The following MKI67 variants were observed in gnomAD, a reference collection of about 807,000 sequenced individuals.
The protein encoded by MKI67 is proliferation marker protein Ki-67.
In MKI67, 152 loss-of-function variants were observed where a neutral mutation model predicts 233.5. The ratio of observed to expected loss-of-function variants is 0.65; its 90% CI spans 0.57 to 0.74. The LOEUF (loss-of-function observed/expected upper bound fraction) is 0.74, where lower values mean the gene tolerates loss of function less well. Among genes scored for constraint, MKI67 ranks in the 30% least tolerant of loss-of-function variants. MKI67 has a pLI of 0.00. For missense variants in MKI67, 3,940 were observed against 3,885.2 expected (o/e 1.01, Z -0.37); for synonymous variants, 1,465 against 1,418.5 (o/e 1.03, Z -0.74).
Position 128,105,198 on chromosome 10 carries a change from C to T in MKI67, c.6642G>A (p.Glu2214=). 6.2e-7 allele frequency: 1 copy of T among 1,612,874 alleles called. No homozygotes were observed. Among genetic ancestry groups the T allele is most frequent in the Non-Finnish European group, 8.5e-7 (1 of 1,179,704 alleles). The change falls in exon 13 of 15, where the codon GAG becomes GAA. Residue 2214 remains glutamate, a synonymous_variant. Coordinates refer to ENST00000368654, the MANE Select transcript of MKI67 (RefSeq NM_002417.5). Reference sequence around the variant, plus strand: ...ATCTGCAGGCTATTTTGGTAGTTTTCTCATGAGTCGTGGGCTTGTCAGTGC... The same window carrying T: ...ATCTGCAGGCTATTTTGGTAGTTTTTTCATGAGTCGTGGGCTTGTCAGTGC... ...PICTDKPTTH[E]KTTKIACRSP...
In MKI67 at chr10:128,109,085, C is replaced by G. The variant is rs1852606757; in HGVS notation, c.2755G>C (p.Glu919Gln). 1 of 1,614,206 alleles carries G rather than the reference C, an allele frequency of 6.2e-7. No homozygotes were observed. ...CTTTCTATTTCCTTCATCTCTCCTT[C>G]TCTCCTTTGTTGTAGTAGTGTTGCC... Reference protein sequence around the residue: ...QKATLLQQRREGEMKEIERPF... With the variant: ...QKATLLQQRRQGEMKEIERPF... Residue 919 changes from glutamate (E) to glutamine (Q), a missense_variant, in exon 13 of 15, where the codon GAA becomes CAA. Physicochemically the swap from Glu to Gln is conservative, Grantham distance 29 (BLOSUM62 2). Coordinates refer to ENST00000368654, the MANE Select transcript of MKI67 (RefSeq NM_002417.5).
At chr10:128,099,762 C>T (rs1852294800) in intron 14 of MKI67, among the ~76,000 whole-genome samples, 1 of 152,176 alleles carries the variant, frequency 6.6e-6, no homozygotes, top group African/African-American at 2.4e-5. Context: ...AAGCTTCTTA[C>T]TGGAAAAAAT....
Position 128,113,419 on chromosome 10 carries a change from C to G in MKI67, c.1656+8G>C. On this transcript the variant is annotated splice_region_variant and intron_variant, in intron 8 of 14. Coordinates refer to ENST00000368654, the MANE Select transcript of MKI67 (RefSeq NM_002417.5). ...GGGCGTGAATGGGATGCTGCTTGTTCAACTCACCTTGATGATTTTCTTCAG... is the reference window on the plus strand; with the variant it reads ...GGGCGTGAATGGGATGCTGCTTGTTGAACTCACCTTGATGATTTTCTTCAG... 1 of 1,614,000 alleles carries G rather than the reference C, an allele frequency of 6.2e-7. No individual in the cohort carries two copies. The highest frequency in any genetic ancestry group is 8.5e-7 in the Non-Finnish European group (1 of 1,179,890).
In MKI67 at chr10:128,107,141, T is replaced by C; in HGVS notation, c.4699A>G (p.Asn1567Asp). ...AGCCGTCTCTTGCTGCCAGTTAAGT[T>C]CTCTGTCAGGTCCAGTTTCTGCACT... is the stretch of plus-strand genomic sequence containing the variant. The part of the protein sequence containing the change: ...TPVQKLDLTE[N>D]LTGSKRRLQT... The change falls in exon 13 of 15, where the codon AAC becomes GAC. Residue 1567 changes from asparagine (N) to aspartate (D), a missense_variant. Transcript: ENST00000368654. The C allele has an allele frequency of 6.2e-7, 1 of 1,613,684 alleles. No homozygotes were observed. Among genetic ancestry groups the C allele is most frequent in the Non-Finnish European group, 8.5e-7 (1 of 1,179,936 alleles).
chr10:128,114,904 A>T (rs749840111), intron 7 of MKI67, 24 bp downstream of exon 7: 7 of 1,521,024 alleles, frequency 4.6e-6, no homozygotes, highest in Non-Finnish European at 6.2e-6. Context: ...TTAGAAAAAT[A>T]AATTTACAAT....
intron 14 of MKI67, among the ~76,000 whole-genome samples, chr10:128,100,027 C>T (rs1444312261): frequency 2.6e-5 from 4 of 152,202 alleles, no homozygotes; most frequent in African/African-American, 4.8e-5. Flanking sequence ...ACTGTGAATT[C>T]GGTAAGCGCC....
rs140954191 is a variant in MKI67 at position 128,105,849 on chromosome 10, T to C, written c.5991A>G (p.Gln1997=). 1.5e-5 allele frequency: 24 copies of C among 1,614,080 alleles called. No homozygotes were observed. Among genetic ancestry groups the C allele is most frequent in the Non-Finnish European group, 1.9e-5 (22 of 1,180,038 alleles). Reference sequence around the variant, plus strand: ...CTTTCCCCAAGGATATCTTGAGTCGTTGCTTGGAGCTTGTTGGGGTTTTGA... The same window carrying C: ...CTTTCCCCAAGGATATCTTGAGTCGCTGCTTGGAGCTTGTTGGGGTTTTGA... ...DPVKTPTSSK[Q]RLKISLGKVG... The change falls in exon 13 of 15, where the codon CAA becomes CAG. Residue 1997 remains glutamine (Q), a synonymous_variant. Coordinates refer to ENST00000368654, the MANE Select transcript of MKI67 (RefSeq NM_002417.5).
chr10:128,108,867 ATGATCT>A lies in MKI67; in HGVS notation c.2967_2972del (p.Gln989_Asp990del). 1 of 1,614,120 alleles carries A rather than the reference ATGATCT, an allele frequency of 6.2e-7. No individual in the cohort carries two copies. ...CTTTCTCACTCTTTGGTGCCTTGGC[ATGATCT>A]TGGGTTTGGAGGAGATTCTGGCCAC... On this transcript the variant is annotated inframe_deletion, in exon 13 of 15. Transcript: ENST00000368654.
chr10:128,109,417 T>A lies in MKI67; in HGVS notation c.2423A>T (p.Asn808Ile), dbSNP rs773774228. Residue 808 changes from asparagine to isoleucine, a missense_variant, in exon 13 of 15, where the codon AAT (asparagine) becomes ATT (isoleucine). By Grantham distance (149) the Asn-to-Ile change is moderately radical. Transcript: ENST00000368654. ...TGCATTCTGTGCACTGAAGAACACA[T>A]TTCCTCCTGAAATAAAAACATACAC... ...LLPTSESFGG[N>I]VFFSAQNAAK... 1 of 1,604,064 alleles carries A rather than the reference T, an allele frequency of 6.2e-7. No homozygotes were observed. The highest frequency in any genetic ancestry group is 1.7e-5 in the Admixed American group (1 of 58,258).
rs371672050 is a variant in MKI67 at position 128,107,628 on chromosome 10, G to C, written c.4212C>G (p.Leu1404=). 6.2e-7 allele frequency: 1 copy of C among 1,614,080 alleles called. No individual in the cohort carries two copies. The highest frequency in any genetic ancestry group is 8.5e-7 in the Non-Finnish European group (1 of 1,180,036). Residue 1404 remains leucine (L), a synonymous_variant, in exon 13 of 15, where the codon CTC becomes CTG. Coordinates refer to ENST00000368654, the MANE Select transcript of MKI67 (RefSeq NM_002417.5). ...PLEKRDVQKE[L]SALKKLTQTS... ...TCTGTGTGAGCTTCTTCAGGGCTGA[G>C]AGCTCCTTCTGTACGTCCCTTTTCT... is the stretch of plus-strand genomic sequence containing the variant.
intron 11 of MKI67, 84 bp downstream of exon 11, chr10:128,111,561 T>A: frequency 8.9e-7 from 1 of 1,129,108 alleles, no homozygotes; most frequent in Non-Finnish European, 1.3e-6. Context: ...TCACAGCAGA[T>A]AAACAAAGTT....
chr10:128,099,910 C>T (rs751684447), intron 14 of MKI67, among the ~76,000 whole-genome samples: 10 of 152,202 alleles, frequency 6.6e-5, no homozygotes, highest in Non-Finnish European at 1.2e-4. Flanking sequence ...ACACACCAGG[C>T]CTGGCTCAGC....
At position 128,108,343 on chromosome 10, in the gene MKI67, A is replaced by T; in HGVS notation, c.3497T>A (p.Leu1166Gln). Residue 1166 changes from leucine to glutamine, a missense_variant, in exon 13 of 15, where the codon CTA (leucine) becomes CAA (glutamine). Leu to Gln is a moderately radical substitution (Grantham distance 113). Transcript: ENST00000368654. ...VEEEFLALRK[L>Q]TPSAGKAMLT... ...CATGGCTTTCCCTGCTGATGGTGTT[A>T]GTTTCCTGAGTGCTAAGAATTCTTC... 3 of 1,613,772 alleles carry T rather than the reference A, an allele frequency of 1.9e-6. No homozygotes were observed. The highest frequency in any genetic ancestry group is 1.7e-6 in the Non-Finnish European group (2 of 1,179,966).
Position 128,109,124 on chromosome 10 carries a change from T to C in MKI67, c.2716A>G (p.Lys906Glu). 2 of 1,614,238 alleles carry C rather than the reference T, an allele frequency of 1.2e-6. No homozygotes were observed. Among genetic ancestry groups the C allele is most frequent in the South Asian group, 1.1e-5 (1 of 91,090 alleles). ...AGTAGTGTTGCCTTCTGACCTCTTT[T>C]TAGGATGCACTCAACAATTTCTGTA... ...TNTEIVECIL[K>E]RGQKATLLQQ... The change falls in exon 13 of 15, where the codon AAA (lysine) becomes GAA (glutamate). Residue 906 changes from lysine (K) to glutamate (E), a missense_variant. Transcript: ENST00000368654.
At chr10:128,114,848 A>G in intron 7 of MKI67, 80 bp downstream of exon 7, 2 of 1,325,450 alleles carry the variant, frequency 1.5e-6, no homozygotes, top group African/African-American at 1.5e-5. Context: ...GCTAATCACT[A>G]CTGAAAGAAT....
Position 128,104,503 on chromosome 10 carries a change from G to A in MKI67, c.7337C>T (p.Thr2446Ile), listed in dbSNP as rs138273523. The A allele has an allele frequency of 2.5e-6, 4 of 1,614,140 alleles. No homozygotes were observed. Among genetic ancestry groups the A allele is most frequent in the African/African-American group, 2.7e-5 (2 of 75,030 alleles). ...CATTGATTCCTCAGTGTGACCTGGT[G>A]TCTGGAAGAGTTCTTTGAAGCCAAC... Reference protein sequence around the residue: ...DLVGFKELFQTPGHTEESMTD... With the variant: ...DLVGFKELFQIPGHTEESMTD... Residue 2446 changes from threonine (T) to isoleucine (I), a missense_variant, in exon 13 of 15, where the codon ACA becomes ATA. Thr to Ile is a moderately conservative substitution (Grantham distance 89). Coordinates refer to ENST00000368654, the MANE Select transcript of MKI67 (RefSeq NM_002417.5).
In MKI67 at chr10:128,105,254, C is replaced by A. The variant is rs150716470; in HGVS notation, c.6586G>T (p.Gly2196Cys). The A allele has an allele frequency of 1.8e-4, 288 of 1,614,092 alleles. No homozygotes were observed. The Middle Eastern group carries it at 2.3e-3, about 13-fold the overall frequency. Residue 2196 changes from glycine (G) to cysteine (C), a missense_variant, in exon 13 of 15, where the codon GGC becomes TGC. Physicochemically the swap from Gly to Cys is radical, Grantham distance 159. Transcript: ENST00000368654. ...GKAQPLEDLAGLKELFQTPIC... is the reference protein window; with the variant it reads ...GKAQPLEDLACLKELFQTPIC... ...GGTGTCTGGAAGAGCTCTTTCAAGC[C>A]AGCCAAGTCTTCTAGGGGTTGGGCT...
Position 128,125,548 on chromosome 10 carries a change from A to C in MKI67, c.92+28T>G. Reference sequence around the variant, plus strand: ...AGGTATTTTCCTCTTTCTCAGCTAAAACGTCCGCGCGCGCCCGCGGGGCTC... The same window carrying C: ...AGGTATTTTCCTCTTTCTCAGCTAACACGTCCGCGCGCGCCCGCGGGGCTC... On this transcript the variant is annotated intron_variant, in intron 2 of 14. Transcript: ENST00000368654. The surrounding 1 kb of genome is among the most constrained non-coding windows in gnomAD (Gnocchi z 5.3). The C allele has an allele frequency of 6.3e-7, 1 of 1,595,102 alleles. No homozygotes were observed. The highest frequency in any genetic ancestry group is 8.6e-7 in the Non-Finnish European group (1 of 1,164,174).
intron 4 of MKI67, among the ~76,000 whole-genome samples, chr10:128,122,528 A>G (rs188120118): frequency 3.4e-4 from 52 of 152,332 alleles, no homozygotes; most frequent in African/African-American, 1.2e-3. Context: ...TGACCTGTCC[A>G]TCTTGTTTTG....
Sources: allele counts gnomAD v4.1 joint callset (sites outside exome capture counted in the v4.1 genomes callset), GRCh38; gene constraint gnomAD v4.1.1; non-coding constraint Gnocchi (gnomAD v3.1); transcripts MANE v1.5; gene names NCBI Gene and HGNC (gene_info 2026-07-23, HGNC 2026-07-21).